NDUFAF2: variants seen among roughly 807,000 people sequenced by gnomAD.
NDUFAF2 encodes the protein NADH:ubiquinone oxidoreductase complex assembly factor 2, also known as NADH dehydrogenase [ubiquinone] 1 alpha subcomplex assembly factor 2.
A neutral mutation model predicts 22.8 loss-of-function variants in NDUFAF2; 13 were observed. The observed-to-expected ratio is 0.57, with a 90% CI of 0.37 to 0.91. The LOEUF (loss-of-function observed/expected upper bound fraction) is 0.91. NDUFAF2 is among the 40% of genes least tolerant of loss of function. The pLI is 0.01. For synonymous variants in NDUFAF2, 53 were observed against 64.2 expected, an observed-to-expected ratio of 0.83 and a Z score of 0.84; for missense variants, 162 against 195.2, an observed-to-expected ratio of 0.83 and a Z score of 1.01.
chr5:61,129,907 T>C (rs79210445), intron 3 of NDUFAF2, among the ~76,000 whole-genome samples: 5,462 of 152,152 alleles, frequency 0.036, 219 homozygotes, highest in East Asian at 0.21. Flanking sequence ...AAAAAGACTT[T>C]CTAATTCTAA....
intron 1 of NDUFAF2, among the ~76,000 whole-genome samples, chr5:61,062,864 A>G (rs1229487619): frequency 6.6e-6 from 1 of 152,186 alleles, no homozygotes; most frequent in Non-Finnish European, 1.5e-5. Context: ...ATTTCTCAGC[A>G]GAAACCTTGC....
intron 2 of NDUFAF2, among the ~76,000 whole-genome samples, chr5:61,074,151 A>G (rs1255432692): frequency 6.6e-6 from 1 of 152,204 alleles, no homozygotes; most frequent in Non-Finnish European, 1.5e-5. Flanking sequence ...TAGTTAATCA[A>G]TATGTATTGA....
chr5:60,959,195 A>G (rs769684616), intron 1 of NDUFAF2, among the ~76,000 whole-genome samples: 1 of 152,088 alleles, frequency 6.6e-6, no homozygotes, highest in Admixed American at 6.5e-5. Flanking sequence ...ATCATGATAT[A>G]TAGCTCTTTT....
Position 60,945,228 on chromosome 5 carries a change from T to C in NDUFAF2, c.-28T>C, listed in dbSNP as rs780247377. On this transcript the variant is annotated 5_prime_UTR_variant, in exon 1 of 4. Transcript: ENST00000296597. ...TTACCCCTACTGCGGGTCCCGCTGC[T>C]GGCAGCGCTGGAAACTGGGTGGACG... 2.5e-6 allele frequency: 4 copies of C among 1,610,488 alleles called. No homozygotes were observed. Among genetic ancestry groups the C allele is most frequent in the Middle Eastern group, 2.1e-4 (1 of 4,874 alleles).
At chr5:60,959,178 T>C (rs955040274) in intron 1 of NDUFAF2, among the ~76,000 whole-genome samples, 1 of 152,114 alleles carries the variant, frequency 6.6e-6, no homozygotes, top group Non-Finnish European at 1.5e-5. Flanking sequence ...TTAGTAGCTA[T>C]TGGAAGATCA....
chr5:60,970,159 A>C (rs1750809023), intron 1 of NDUFAF2, among the ~76,000 whole-genome samples: 1 of 152,134 alleles, frequency 6.6e-6, no homozygotes, highest in Non-Finnish European at 1.5e-5. Context: ...AAGTAACATG[A>C]TTCCTCCAGT....
chr5:61,033,317 CTA>C (rs1162292008), intron 1 of NDUFAF2, among the ~76,000 whole-genome samples: 1 of 152,070 alleles, frequency 6.6e-6, no homozygotes, highest in Non-Finnish European at 1.5e-5. Context: ...AATTATTACA[CTA>C]TGTGAAGACA....
Position 60,989,546 on chromosome 5 carries a change from C to T in NDUFAF2, c.127+44164C>T, listed in dbSNP as rs113197468. Among the ~76,000 whole-genome samples the T allele has an allele frequency of 2.4e-3, 363 of 152,276 alleles. 8 individuals carry two copies. Among genetic ancestry groups the T allele is most frequent in the African/African-American group, 8.5e-3 (353 of 41,558 alleles). On this transcript the variant is annotated intron_variant, in intron 1 of 3. Transcript: ENST00000296597. ...GGGTAAAGAAAATGGAGTGTATATA[C>T]ACCATGAAATATTATGCAGTCATAA...
At chr5:61,014,590 G>T (rs1013551963) in intron 1 of NDUFAF2, among the ~76,000 whole-genome samples, 3 of 152,120 alleles carry the variant, frequency 2.0e-5, no homozygotes, top group Non-Finnish European at 2.9e-5. Flanking sequence ...TGTGACCTGT[G>T]TCTGAAGTAC....
chr5:61,056,821 C>G (rs1172687663), intron 1 of NDUFAF2, among the ~76,000 whole-genome samples: 1 of 134,398 alleles, frequency 7.4e-6, no homozygotes, highest in African/African-American at 2.9e-5. Flanking sequence ...CCAAGGAGGC[C>G]GAGGTTGCGG....
intron 1 of NDUFAF2, among the ~76,000 whole-genome samples, chr5:61,033,322 T>C (rs1259614830): frequency 6.6e-6 from 1 of 152,268 alleles, no homozygotes; most frequent in African/African-American, 2.4e-5. Context: ...TTACACTATG[T>C]GAAGACAGTG....
At chr5:61,028,549 A>C (rs1326627243) in intron 1 of NDUFAF2, among the ~76,000 whole-genome samples, 3 of 152,116 alleles carry the variant, frequency 2.0e-5, no homozygotes, top group Admixed American at 6.6e-5. Flanking sequence ...TAATAACTGC[A>C]TATTTTCCAT....
At chr5:61,076,611 C>G (rs11951504) in intron 2 of NDUFAF2, among the ~76,000 whole-genome samples, 20,926 of 152,162 alleles carry the variant, frequency 0.14, 1,777 homozygotes, top group South Asian at 0.26. Flanking sequence ...GATTGTGAAT[C>G]TGGGGGGCCT....
intron 1 of NDUFAF2, among the ~76,000 whole-genome samples, chr5:61,017,874 C>T (rs967615895): frequency 6.6e-6 from 1 of 152,040 alleles, no homozygotes; most frequent in East Asian, 1.9e-4. Context: ...CTCAGCCTCC[C>T]GAGTAACTGG....
At chr5:61,135,107 AATGTCATTATGAACTAATGACAT>A (rs1740903656) in intron 3 of NDUFAF2, among the ~76,000 whole-genome samples, 1 of 151,952 alleles carries the variant, frequency 6.6e-6, no homozygotes, top group Non-Finnish European at 1.5e-5. Flanking sequence ...TTGAATTGGA[AATGTCATTATGAACTAATGACAT>A]ATTTTTTCTG....
At chr5:61,040,286 A>ACGCGCGCGCGCGCGCG (rs1323303366) in intron 1 of NDUFAF2, among the ~76,000 whole-genome samples, 63 of 93,062 alleles carry the variant, frequency 6.8e-4, no homozygotes, top group African/African-American at 2.3e-3. Flanking sequence ...ACACACACAC[A>ACGCGCGCGCGCGCGCG]CGCGCGCGCG....
chr5:61,020,993 C>CTTT (rs35877702), intron 1 of NDUFAF2, among the ~76,000 whole-genome samples: 1 of 116,632 alleles, frequency 8.6e-6, no homozygotes, highest in African/African-American at 3.3e-5. Context: ...TGCGTCCAGC[C>CTTT]TTTTTTTTTT....
rs769088942 is a variant in NDUFAF2 at position 61,113,000 on chromosome 5, G to T, written c.258+13968G>T. On this transcript the variant is annotated intron_variant, in intron 3 of 3. Coordinates refer to ENST00000296597, the MANE Select transcript of NDUFAF2 (RefSeq NM_174889.5). The stretch of plus-strand genomic sequence containing the variant: ...AACTGCCGACAACTTAACACTGATT[G>T]CATAAACAAACAGGGGAAGAGAAAA... 2.1e-4 allele frequency among the ~76,000 whole-genome samples: 31 copies of T among 151,216 alleles called. 2 individuals are homozygous for T. Among genetic ancestry groups the T allele is most frequent in the Middle Eastern group, 3.5e-3 (1 of 286 alleles).
At position 60,956,166 on chromosome 5, in the gene NDUFAF2, G is replaced by A. The variant is rs1052351597; in HGVS notation, c.127+10784G>A. ...TCCACCTGCCTCGGCCTCCCAAAGT[G>A]TTGGGATTATAGGCATGAGCCACCA... On this transcript the variant is annotated intron_variant, in intron 1 of 3. Coordinates refer to ENST00000296597, the MANE Select transcript of NDUFAF2 (RefSeq NM_174889.5). 2.0e-4 allele frequency among the ~76,000 whole-genome samples: 30 copies of A among 152,204 alleles called. 1 individual carries two copies. The highest frequency in any genetic ancestry group is 4.0e-4 in the Non-Finnish European group (27 of 68,012).
Sources: allele counts gnomAD v4.1 joint callset (sites outside exome capture counted in the v4.1 genomes callset), GRCh38; gene constraint gnomAD v4.1.1; transcripts MANE v1.5; gene names NCBI Gene and HGNC (gene_info 2026-07-23, HGNC 2026-07-21).